The following SLC37A3 variants were observed in gnomAD, a reference collection of about 807,000 sequenced individuals.
SLC37A3 encodes solute carrier family 37 member 3.
SLC37A3 carries 51 observed loss-of-function variants against 67.1 expected under a neutral mutation model. The ratio of observed to expected loss-of-function variants is 0.76; its 90% CI spans 0.61 to 0.96. The LOEUF is 0.96. Ranked by LOEUF, SLC37A3 falls within the 40% of genes least tolerant of loss-of-function variation. The pLI is 0.00. For missense variants in SLC37A3, 508 were observed against 603.0 expected (o/e 0.84, Z 1.65); for synonymous variants, 214 against 231.4 (o/e 0.92, Z 0.68).
Position 140,337,524 on chromosome 7 carries a change from T to C in SLC37A3, c.1327-175A>G, listed in dbSNP as rs750101820. ...TGTGCCTGCTGTGATTAATGGCCCA[T>C]TTAAGCATGCAGAGTCCAAATGGAA... is the stretch of plus-strand genomic sequence containing the variant. On this transcript the variant is annotated intron_variant, in intron 13 of 14. Coordinates refer to ENST00000326232, the MANE Select transcript of SLC37A3 (RefSeq NM_207113.3). 3.5e-4 allele frequency: 160 copies of C among 460,262 alleles called. 2 individuals are homozygous for C. Among genetic ancestry groups the C allele is most frequent in the South Asian group, 1.2e-3 (22 of 17,648 alleles). 28.5% of individuals were successfully genotyped at this position (460,262 alleles called of 1,614,324 possible).
At chr7:140,398,181 G>C (rs1799015147) in intron 1 of SLC37A3, among the ~76,000 whole-genome samples, 2 of 152,112 alleles carry the variant, frequency 1.3e-5, no homozygotes, top group Non-Finnish European at 2.9e-5. Flanking sequence ...GGGTCCCCCG[G>C]GGGTCCTTCT....
At chr7:140,350,340 A>T (rs1325135440) in intron 9 of SLC37A3, among the ~76,000 whole-genome samples, 3 of 152,160 alleles carry the variant, frequency 2.0e-5, no homozygotes, top group African/African-American at 7.2e-5. Flanking sequence ...TGCCCGAAAC[A>T]TCAAGACAGA....
chr7:140,387,746 T>C (rs867257003), intron 1 of SLC37A3, among the ~76,000 whole-genome samples: 2 of 27,078 alleles, frequency 7.4e-5, no homozygotes, highest in Non-Finnish European at 1.5e-4. Flanking sequence ...CTATATATTA[T>C]ATAAATATAA....
chr7:140,364,625 G>T, intron 4 of SLC37A3, 134 bp from the exon 5 acceptor site: 2 of 737,256 alleles, frequency 2.7e-6, no homozygotes, highest in Non-Finnish European at 4.3e-6. Flanking sequence ...GAGGCTACCT[G>T]TCTACAGGAG....
At position 140,351,045 on chromosome 7, in the gene SLC37A3, C is replaced by T. The variant is rs756371820; in HGVS notation, c.882+228G>A. Among the ~76,000 whole-genome samples, 8 of 152,166 alleles carry T rather than the reference C, an allele frequency of 5.3e-5. No homozygotes were observed. The East Asian group carries it at 7.7e-4, about 15-fold the overall frequency. ...TTGGGGGAGAGACTGGATGGTTCCC[C>T]GAAGTCAAAAATATTTATTCTCTGC... On this transcript the variant is annotated intron_variant, in intron 9 of 14. Transcript: ENST00000326232.
chr7:140,344,877 C>T lies in SLC37A3; in HGVS notation c.1174+339G>A, dbSNP rs540995619. On this transcript the variant is annotated intron_variant, in intron 12 of 14. Transcript: ENST00000326232. Reference sequence around the variant, plus strand: ...ACCAATTCCAACACAGGAGGAGACACGAGCTATTGTGGATTTTTTTGAAAG... The same window carrying T: ...ACCAATTCCAACACAGGAGGAGACATGAGCTATTGTGGATTTTTTTGAAAG... 3.9e-5 allele frequency among the ~76,000 whole-genome samples: 6 copies of T among 152,312 alleles called. 1 individual carries two copies. Among genetic ancestry groups the T allele is most frequent in the East Asian group, 3.9e-4 (2 of 5,186 alleles).
chr7:140,348,815 C>T (rs753092017), intron 9 of SLC37A3, 48 bp from the exon 10 acceptor site: 28 of 1,592,452 alleles, frequency 1.8e-5, no homozygotes, highest in Non-Finnish European at 2.4e-5. Context: ...TAGCACAGCA[C>T]GACTACCATT....
Position 140,365,919 on chromosome 7 carries a change from C to CTTTTTTTTT in SLC37A3, c.292-1437_292-1429dup, listed in dbSNP as rs71170981. On this transcript the variant is annotated intron_variant, in intron 4 of 14. Transcript: ENST00000326232. ...GCTTCAGATGACAGAACAATACATGCTTTTTTTTTTTTTTTTTTTTTTTTT... is the reference window on the plus strand; with the variant it reads ...GCTTCAGATGACAGAACAATACATGCTTTTTTTTTTTTTTTTTTTTTTTTTTTTTTTTTT... Among the ~76,000 whole-genome samples, 9 of 43,906 alleles carry CTTTTTTTTT rather than the reference C, an allele frequency of 2.0e-4. 4 individuals carry two copies. The highest frequency in any genetic ancestry group is 3.5e-4 in the Non-Finnish European group (9 of 26,040). The allele number at this position is 43,906 out of a possible 152,430, so 28.8% of individuals were successfully genotyped here. A position where few individuals can be genotyped will look rare whatever the true frequency, so the allele number is the denominator to read the frequency against.
At chr7:140,362,406 C>A (rs1370397297) in intron 5 of SLC37A3, among the ~76,000 whole-genome samples, 2 of 103,788 alleles carry the variant, frequency 1.9e-5, no homozygotes, top group Non-Finnish European at 4.4e-5. Flanking sequence ...GCCGCCCCGT[C>A]CGGGAGGGAG....
chr7:140,340,537 T>C (rs1016005775), intron 13 of SLC37A3, among the ~76,000 whole-genome samples: 4 of 151,884 alleles, frequency 2.6e-5, no homozygotes, highest in African/African-American at 9.7e-5. Flanking sequence ...TTATATTAGA[T>C]CACATCATGT....
chr7:140,345,259 A>T lies in SLC37A3; in HGVS notation c.1131T>A (p.Ser377=). The part of the protein sequence containing the change: ...AVGSLIGYSR[S]PNDKSINALL... Reference sequence around the variant, plus strand: ...GGGCATTGATGGACTTATCATTTGGAGAACCTGTGAGGGAAGACACAGACA... The same window carrying T: ...GGGCATTGATGGACTTATCATTTGGTGAACCTGTGAGGGAAGACACAGACA... The change falls in exon 12 of 15, where the codon TCT becomes TCA. Residue 377 remains serine, a synonymous_variant. Transcript: ENST00000326232. 6.2e-7 allele frequency: 1 copy of T among 1,614,012 alleles called. No individual in the cohort carries two copies. The highest frequency in any genetic ancestry group is 8.5e-7 in the Non-Finnish European group (1 of 1,179,872).
intron 3 of SLC37A3, among the ~76,000 whole-genome samples, chr7:140,375,184 A>AC (rs1797984867): frequency 6.9e-6 from 1 of 145,424 alleles, no homozygotes; most frequent in African/African-American, 2.6e-5. Context: ...CAAAAAAAAA[A>AC]CAGGCTGGGT....
At chr7:140,341,836 A>T (rs1477016005) in intron 13 of SLC37A3, among the ~76,000 whole-genome samples, 1 of 152,226 alleles carries the variant, frequency 6.6e-6, no homozygotes, top group Non-Finnish European at 1.5e-5. Flanking sequence ...ATAATGTCAG[A>T]AAAGGATGCC....
chr7:140,392,226 C>T (rs1448757606), intron 1 of SLC37A3, among the ~76,000 whole-genome samples: 3 of 152,286 alleles, frequency 2.0e-5, no homozygotes, highest in Admixed American at 2.0e-4. Context: ...GTGTAACCTC[C>T]ACCAGCCCAG....
At chr7:140,370,964 A>G (rs1430119816) in intron 3 of SLC37A3, among the ~76,000 whole-genome samples, 1 of 152,138 alleles carries the variant, frequency 6.6e-6, no homozygotes, top group African/African-American at 2.4e-5. Flanking sequence ...AAACTGAAGA[A>G]GCTGTTCAAG....
chr7:140,351,738 TGAAAA>T (rs1328291676), intron 8 of SLC37A3: 2 of 558,826 alleles, frequency 3.6e-6, no homozygotes, highest in Non-Finnish European at 6.3e-6. Flanking sequence ...TTTTTATGGA[TGAAAA>T]GAAATGTTTC....
intron 1 of SLC37A3, among the ~76,000 whole-genome samples, chr7:140,383,020 A>C (rs1445625460): frequency 1.3e-5 from 2 of 152,146 alleles, no homozygotes; most frequent in East Asian, 3.8e-4. Context: ...TCAGGGTATA[A>C]TGGTTCCTGA....
intron 3 of SLC37A3, among the ~76,000 whole-genome samples, chr7:140,375,623 G>A (rs1023578505): frequency 9.2e-5 from 14 of 152,154 alleles, no homozygotes; most frequent in African/African-American, 3.1e-4. Context: ...TCTCACACAC[G>A]TGTGTGAATA....
At chr7:140,375,244 G>A (rs12671831) in intron 3 of SLC37A3, among the ~76,000 whole-genome samples, 55,267 of 149,520 alleles carry the variant, frequency 0.37, 11,411 homozygotes, top group Middle Eastern at 0.46. Context: ...GGGGGCGGGT[G>A]GATTGCCTGA....
Sources: allele counts gnomAD v4.1 joint callset (sites outside exome capture counted in the v4.1 genomes callset), GRCh38; gene constraint gnomAD v4.1.1; transcripts MANE v1.5; gene names NCBI Gene and HGNC (gene_info 2026-07-23, HGNC 2026-07-21).